Variants in APPL2 observed in about 807,000 individuals in gnomAD.
The protein encoded by APPL2 is adaptor protein, phosphotyrosine interacting with PH domain and leucine zipper 2, also known as DCC-interacting protein 13-beta.
Under a neutral mutation model 92.7 loss-of-function variants are expected in APPL2, and 84 were observed. The ratio of observed to expected loss-of-function variants is 0.91; its 90% CI spans 0.76 to 1.09. The LOEUF is 1.09. APPL2 is among the 50% of genes least tolerant of loss of function. The pLI is 0.00. For synonymous variants in APPL2, 291 were observed against 291.0 expected (o/e 1.00, Z 0.00); for missense variants, 736 against 824.5 (o/e 0.89, Z 1.31).
Position 105,176,897 on chromosome 12 carries a change from T to C in APPL2, c.1791A>G (p.Glu597=), listed in dbSNP as rs1885596329. Residue 597 remains glutamate, a synonymous_variant, in exon 19 of 21, where the codon GAA becomes GAG. Coordinates refer to ENST00000258530, the MANE Select transcript of APPL2 (RefSeq NM_018171.5). ...AGACCTTTTCGCCTTCTGAGTTGCTTTCAAAAATGTATGTACTCAGAGATT... is the reference window on the plus strand; with the variant it reads ...AGACCTTTTCGCCTTCTGAGTTGCTCTCAAAAATGTATGTACTCAGAGATT... ...GEESLSTYIF[E]SNSEGEKICY... 6.2e-7 allele frequency: 1 copy of C among 1,614,058 alleles called. No individual in the cohort carries two copies. The highest frequency in any genetic ancestry group is 8.5e-7 in the Non-Finnish European group (1 of 1,179,978).
chr12:105,203,646 G>T, intron 9 of APPL2, 57 bp downstream of exon 9: 1 of 1,528,054 alleles, frequency 6.5e-7, no homozygotes, highest in Non-Finnish European at 9.1e-7. Flanking sequence ...TCCCAGAGAT[G>T]TCAGATCAGC....
chr12:105,214,491 G>T (rs1179459052), intron 4 of APPL2, among the ~76,000 whole-genome samples: 1 of 152,218 alleles, frequency 6.6e-6, no homozygotes, highest in East Asian at 1.9e-4. Flanking sequence ...CATCTTCTAT[G>T]TATCTTTTAT....
intron 8 of APPL2, among the ~76,000 whole-genome samples, chr12:105,205,612 G>C (rs1196079249): frequency 6.6e-6 from 1 of 152,190 alleles, no homozygotes; most frequent in African/African-American, 2.4e-5. Context: ...GACCGATCAG[G>C]ACCAGAGCTG....
intron 9 of APPL2, 142 bp from the exon 10 acceptor site, chr12:105,199,673 C>T: frequency 1.2e-6 from 1 of 833,980 alleles, no homozygotes. Context: ...GGCCACAACC[C>T]TCTACCCTTA....
At chr12:105,226,907 G>A (rs1017128172) in intron 2 of APPL2, among the ~76,000 whole-genome samples, 1 of 152,062 alleles carries the variant, frequency 6.6e-6, no homozygotes, top group Admixed American at 6.5e-5. Context: ...GAGGCCAGGA[G>A]TTTCAGACCA....
intron 14 of APPL2, 90 bp downstream of exon 14, chr12:105,195,171 G>T: frequency 7.7e-7 from 1 of 1,303,822 alleles, no homozygotes; most frequent in Non-Finnish European, 1.1e-6. Context: ...AACATGCCTT[G>T]GTTTGTGTGG....
intron 10 of APPL2, among the ~76,000 whole-genome samples, chr12:105,198,677 C>T (rs1485546500): frequency 6.6e-6 from 1 of 152,148 alleles, no homozygotes; most frequent in Non-Finnish European, 1.5e-5. Flanking sequence ...CCAATAATTT[C>T]CCCAAATGGC....
chr12:105,207,006 C>T (rs1387432923), intron 8 of APPL2, 55 bp downstream of exon 8: 90 of 1,586,414 alleles, frequency 5.7e-5, no homozygotes, highest in Non-Finnish European at 7.5e-5. Context: ...CGTGCCCTCT[C>T]AGCAGAACGC....
Position 105,191,641 on chromosome 12 carries a change from A to ATAG in APPL2, c.1242-1489_1242-1487dup, listed in dbSNP as rs1887207901. 2.0e-5 allele frequency among the ~76,000 whole-genome samples: 3 copies of ATAG among 152,206 alleles called. No individual in the cohort carries two copies. In the South Asian group the frequency reaches 6.2e-4, roughly 32 times the overall value. On this transcript the variant is annotated intron_variant, in intron 14 of 20. Transcript: ENST00000258530. ...TAGGGAGCCACCAAAGACTCTGAAC[A>ATAG]TAGGAGTGACATGATGTTAAGTTTC... is the stretch of plus-strand genomic sequence containing the variant.
intron 17 of APPL2, among the ~76,000 whole-genome samples, chr12:105,183,962 A>T (rs1886362210): frequency 6.6e-6 from 1 of 152,038 alleles, no homozygotes; most frequent in Non-Finnish European, 1.5e-5. Context: ...ACTCATTTTC[A>T]TTCTTTTTTC....
intron 20 of APPL2, among the ~76,000 whole-genome samples, chr12:105,175,774 G>GAA (rs5800655): frequency 0.98 from 149,313 of 152,292 alleles, 73,210 homozygotes; most frequent in East Asian, 1. Flanking sequence ...TAATCTGAAA[G>GAA]AGGAAATCTA....
At chr12:105,191,390 A>T (rs1887179089) in intron 14 of APPL2, among the ~76,000 whole-genome samples, 1 of 152,208 alleles carries the variant, frequency 6.6e-6, no homozygotes, top group Admixed American at 6.5e-5. Flanking sequence ...CCTAAATGGG[A>T]CAGTCACATC....
chr12:105,223,515 AG>A (rs59116450), intron 2 of APPL2, among the ~76,000 whole-genome samples: 18,046 of 152,018 alleles, frequency 0.12, 1,214 homozygotes, highest in African/African-American at 0.17. Context: ...GACAGTTTCG[AG>A]GGGGGTGTTA....
intron 2 of APPL2, among the ~76,000 whole-genome samples, chr12:105,225,843 C>T (rs1253451621): frequency 2.0e-5 from 3 of 152,352 alleles, no homozygotes; most frequent in African/African-American, 7.2e-5. Flanking sequence ...CTTGTTCTTC[C>T]TCTTTCTAAA....
intron 3 of APPL2, 67 bp from the exon 4 acceptor site, chr12:105,217,207 C>CT (rs1334800475): frequency 9.6e-7 from 1 of 1,036,318 alleles, no homozygotes; most frequent in Non-Finnish European, 1.5e-6. Context: ...GAAGCATCAC[C>CT]TGCAGAACAC....
intron 2 of APPL2, among the ~76,000 whole-genome samples, chr12:105,226,867 A>G (rs1182202660): frequency 6.6e-6 from 1 of 152,174 alleles, no homozygotes. Context: ...AACTAGTTCT[A>G]GCTACTCAGA....
At chr12:105,183,953 CTCAT>C (rs1444495628) in intron 17 of APPL2, among the ~76,000 whole-genome samples, 1 of 152,092 alleles carries the variant, frequency 6.6e-6, no homozygotes, top group Admixed American at 6.6e-5. Context: ...GCTTTATTCA[CTCAT>C]TTTCATTCTT....
At chr12:105,220,968 A>G (rs1890054857) in intron 2 of APPL2, among the ~76,000 whole-genome samples, 1 of 152,242 alleles carries the variant, frequency 6.6e-6, no homozygotes, top group Admixed American at 6.5e-5. Flanking sequence ...AAGACCAACT[A>G]TGATTCTGTG....
chr12:105,229,328 A>G (rs1392419815), intron 1 of APPL2, 105 bp from the exon 2 acceptor site: 1 of 1,070,470 alleles, frequency 9.3e-7, no homozygotes, highest in Admixed American at 2.4e-5. Flanking sequence ...GAATGCGAGG[A>G]AAGAAAGGTA....
Sources: gnomAD v4.1 joint callset for allele counts (sites outside exome capture counted in the v4.1 genomes callset) on GRCh38, gnomAD v4.1.1 for gene constraint, MANE v1.5 for transcripts, NCBI Gene and HGNC (gene_info 2026-07-23, HGNC 2026-07-21) for gene names.